The following EGF variants were observed in gnomAD, a reference collection of about 807,000 sequenced individuals.
EGF encodes the protein pro-epidermal growth factor.
In EGF, 95 loss-of-function variants were observed where a neutral mutation model predicts 143.8. That is an observed-to-expected ratio of 0.66 (90% CI 0.56 to 0.78). The LOEUF (loss-of-function observed/expected upper bound fraction) is 0.78. Among genes scored for constraint, EGF ranks in the 30% least tolerant of loss-of-function variants. The pLI is 0.00. For synonymous variants in EGF, 510 were observed against 510.5 expected (o/e 1.00, Z 0.01); for missense variants, 1,320 against 1,470.9 (o/e 0.90, Z 1.68).
chr4:110,001,258 G>GT (rs750561626), intron 21 of EGF, among the ~76,000 whole-genome samples: 13 of 152,222 alleles, frequency 8.5e-5, no homozygotes, highest in African/African-American at 1.2e-4. Flanking sequence ...AGGCTTTAGT[G>GT]TAAGTCTGGC....
At chr4:109,973,777 CCAATCCCTGACACA>C (rs1748040312) in intron 11 of EGF, among the ~76,000 whole-genome samples, 1 of 152,048 alleles carries the variant, frequency 6.6e-6, no homozygotes, top group Non-Finnish European at 1.5e-5. Flanking sequence ...AATGCTTAGA[CCAATCCCTGACACA>C]CAGTTGGTGC....
chr4:110,010,831 T>C (rs976690929), intron 23 of EGF, among the ~76,000 whole-genome samples: 12 of 152,080 alleles, frequency 7.9e-5, no homozygotes, highest in African/African-American at 2.9e-4. Flanking sequence ...GAGGTTGAGG[T>C]GGGCGAATCG....
intron 22 of EGF, among the ~76,000 whole-genome samples, chr4:110,005,161 T>C (rs1252882954): frequency 6.9e-6 from 1 of 144,502 alleles, no homozygotes; most frequent in Non-Finnish European, 1.5e-5. Context: ...TCCTCCCAGC[T>C]CAGCCTCCCA....
chr4:109,941,197 A>G, intron 2 of EGF, 52 bp downstream of exon 2: 2 of 1,504,330 alleles, frequency 1.3e-6, no homozygotes, highest in Non-Finnish European at 1.8e-6. Context: ...AGGCTGACAA[A>G]TATAATATAC....
intron 18 of EGF, among the ~76,000 whole-genome samples, chr4:109,989,898 C>T (rs937312109): frequency 6.6e-6 from 1 of 152,104 alleles, no homozygotes; most frequent in Non-Finnish European, 1.5e-5. Context: ...GCTTGCTCCT[C>T]TATTCTCTCT....
Position 109,957,290 on chromosome 4 carries a change from GGA to G in EGF, c.941-2015_941-2014del, listed in dbSNP as rs1226400644. Among the ~76,000 whole-genome samples, 4 of 152,176 alleles carry G rather than the reference GGA, an allele frequency of 2.6e-5. No homozygotes were observed. In the East Asian group the frequency reaches 7.7e-4, roughly 29 times the overall value. Reference sequence around the variant, plus strand: ...GTTTATCTGACCCCCTGACGGATCAGGAGAGAGATGATAGCCAAATCCCCAAA... The same window carrying G: ...GTTTATCTGACCCCCTGACGGATCAGGAGAGATGATAGCCAAATCCCCAAA... On this transcript the variant is annotated intron_variant, in intron 5 of 23. Transcript: ENST00000265171.
intron 18 of EGF, among the ~76,000 whole-genome samples, chr4:109,989,942 C>CAT: frequency 1.3e-5 from 2 of 151,970 alleles, no homozygotes; most frequent in East Asian, 1.9e-4. Context: ...CTCCCCGCCC[C>CAT]ATATATATAT....
chr4:109,932,052 G>A (rs1216156899), intron 1 of EGF, among the ~76,000 whole-genome samples: 2 of 152,024 alleles, frequency 1.3e-5, no homozygotes, highest in Non-Finnish European at 2.9e-5. Context: ...ATGGTGTTAT[G>A]TTGAGGATAA....
intron 10 of EGF, 147 bp from the exon 11 acceptor site, chr4:109,968,824 G>A: frequency 1.1e-6 from 1 of 924,098 alleles, no homozygotes; most frequent in Non-Finnish European, 1.7e-6. Context: ...TATCTGGGAA[G>A]CAGCCTAGTT....
In EGF at chr4:109,941,187, A is replaced by C. The variant is rs1267214193; in HGVS notation, c.327+42A>C. ...TACAGTGTTTGAGCTGTTTTTGTAC[A>C]GGCTGACAAATATAATATACTGAAT... On this transcript the variant is annotated intron_variant, in intron 2 of 23. Transcript: ENST00000265171. 1.9e-6 allele frequency: 3 copies of C among 1,553,774 alleles called. No individual in the cohort carries two copies. The African/African-American group carries it at 4.1e-5, about 21-fold the overall frequency.
intron 17 of EGF, 35 bp downstream of exon 17, chr4:109,987,895 A>C: frequency 6.7e-7 from 1 of 1,503,290 alleles, no homozygotes; most frequent in Non-Finnish European, 9.3e-7. Flanking sequence ...TATTTGGACA[A>C]TACTGAACCA....
At chr4:109,988,162 ATG>A (rs1750418171) in intron 17 of EGF, among the ~76,000 whole-genome samples, 2 of 150,694 alleles carry the variant, frequency 1.3e-5, no homozygotes, top group South Asian at 4.2e-4. Context: ...AGTCAAGTTT[ATG>A]ACTTCACCAA....
Position 109,958,278 on chromosome 4 carries a change from A to AT in EGF, c.941-1026dup, listed in dbSNP as rs546916749. 2.3e-4 allele frequency among the ~76,000 whole-genome samples: 35 copies of AT among 152,070 alleles called. No homozygotes were observed. The South Asian group carries it at 6.2e-3, about 27-fold the overall frequency. Reference sequence around the variant, plus strand: ...GCTTTTTGGAACTTTGCTTTGTGGAATTTTTTTTCCCAAATATTTTCAGTC... The same window carrying AT: ...GCTTTTTGGAACTTTGCTTTGTGGAATTTTTTTTTCCCAAATATTTTCAGTC... On this transcript the variant is annotated intron_variant, in intron 5 of 23. Coordinates refer to ENST00000265171, the MANE Select transcript of EGF (RefSeq NM_001963.6).
intron 4 of EGF, among the ~76,000 whole-genome samples, chr4:109,944,822 C>T (rs751566183): frequency 6.6e-6 from 1 of 152,216 alleles, no homozygotes; most frequent in Non-Finnish European, 1.5e-5. Context: ...TCCCCATTTT[C>T]ATCACACTTA....
In EGF at chr4:109,979,960, A is replaced by G; in HGVS notation, c.2054-12A>G. On this transcript the variant is annotated splice_polypyrimidine_tract_variant and intron_variant, in intron 13 of 23. Transcript: ENST00000265171. ...AAAGAAGGTGTATTTAACAAACTTG[A>G]ATTGTTTCCAGGTCACCCATTTGCT... is the stretch of plus-strand genomic sequence containing the variant. 7 of 1,613,880 alleles carry G rather than the reference A, an allele frequency of 4.3e-6. No homozygotes were observed. Among genetic ancestry groups the G allele is most frequent in the Non-Finnish European group, 5.9e-6 (7 of 1,179,830 alleles).
At chr4:109,916,681 A>T (rs1736716970) in intron 1 of EGF, among the ~76,000 whole-genome samples, 1 of 152,140 alleles carries the variant, frequency 6.6e-6, no homozygotes, top group African/African-American at 2.4e-5. Flanking sequence ...GAGTTAATAT[A>T]TGTAAAGTGC....
intron 1 of EGF, among the ~76,000 whole-genome samples, chr4:109,922,792 T>C (rs981304076): frequency 2.6e-5 from 4 of 151,816 alleles, no homozygotes; most frequent in South Asian, 2.1e-4. Flanking sequence ...AAGCTGTTAA[T>C]ACCTACCTCT....
rs1309676096 is a variant in EGF, at chr4:109,944,068, CAGTA to C, written c.737+3_737+6del. The C allele has an allele frequency of 9.3e-6, 15 of 1,612,914 alleles. No homozygotes were observed. Among genetic ancestry groups the C allele is most frequent in the Non-Finnish European group, 1.3e-5 (15 of 1,179,140 alleles). On this transcript the variant is annotated splice_donor_variant and splice_donor_region_variant and coding_sequence_variant and intron_variant, in exon 4 of 24. Transcript: ENST00000265171. LOFTEE classifies it high-confidence loss of function. ...TGTCCACATTAGTAAACATCCAACA[CAGTA>C]AGTTTTACTCTTGGTATAAAATAAA...
At chr4:109,977,949 A>G (rs1748758927) in intron 13 of EGF, among the ~76,000 whole-genome samples, 1 of 152,260 alleles carries the variant, frequency 6.6e-6, no homozygotes, top group South Asian at 2.1e-4. Context: ...TGAGGACACT[A>G]TATTTTAAAC....
Sources: gnomAD v4.1 joint callset for allele counts (sites outside exome capture counted in the v4.1 genomes callset) on GRCh38, gnomAD v4.1.1 for gene constraint, MANE v1.5 for transcripts, NCBI Gene and HGNC (gene_info 2026-07-23, HGNC 2026-07-21) for gene names.